TRIM8: variants seen among roughly 807,000 people sequenced by gnomAD.
TRIM8 encodes the protein E3 ubiquitin-protein ligase TRIM8.
In TRIM8, 9 loss-of-function variants were observed where a neutral mutation model predicts 55.7. The observed-to-expected ratio is 0.16, with a 90% CI of 0.10 to 0.28. The LOEUF (loss-of-function observed/expected upper bound fraction) is 0.28, where lower values mean the gene tolerates loss of function less well. TRIM8 is among the 10% of genes least tolerant of loss of function. TRIM8 has a pLI of 1.00. For missense variants in TRIM8, 556 were observed against 736.4 expected, an observed-to-expected ratio of 0.76 and a Z score of 2.83; for synonymous variants, 335 against 333.3, an observed-to-expected ratio of 1.01 and a Z score of -0.06.
chr10:102,657,591 G>A lies in TRIM8; in HGVS notation c.*237G>A, dbSNP rs748000726. The A allele has an allele frequency of 8.2e-6, 4 of 488,438 alleles. No homozygotes were observed. The highest frequency in any genetic ancestry group is 1.4e-5 in the Non-Finnish European group (4 of 283,848). The allele number at this position is 488,438 out of a possible 1,614,324, so 30.3% of individuals were successfully genotyped here. On this transcript the variant is annotated 3_prime_UTR_variant, in exon 6 of 6. Transcript: ENST00000643721. Reference sequence around the variant, plus strand: ...GGAGCTGGCCTGGGCCAGGACGGCAGGTGGCCCTGGAGATGGGAAAGTGTC... The same window carrying A: ...GGAGCTGGCCTGGGCCAGGACGGCAAGTGGCCCTGGAGATGGGAAAGTGTC...
intron 1 of TRIM8, among the ~76,000 whole-genome samples, chr10:102,646,073 A>T (rs1243070519): frequency 3.9e-5 from 6 of 151,916 alleles, no homozygotes; most frequent in Non-Finnish European, 8.8e-5. Context: ...GTCCCCTCCC[A>T]TTGTATACAC....
rs771197276 is a variant in TRIM8, at chr10:102,645,151, G to C, written c.534G>C (p.Ser178=). 2.6e-6 allele frequency: 4 copies of C among 1,566,488 alleles called. No homozygotes were observed. The highest frequency in any genetic ancestry group is 3.4e-6 in the Non-Finnish European group (4 of 1,164,210). Residue 178 remains serine, a synonymous_variant, in exon 1 of 6, where the codon TCG becomes TCC. Coordinates refer to ENST00000643721, the MANE Select transcript of TRIM8 (RefSeq NM_030912.3). The part of the protein sequence containing the change: ...CYYSGAHQGH[S]VCDVEIRRNE... ...ACAGCGGCGCGCATCAGGGACACTC[G>C]GTGTGCGACGTGGAGATCCGAAGGA...
chr10:102,646,443 T>C (rs1344154833), intron 1 of TRIM8, among the ~76,000 whole-genome samples: 1 of 152,156 alleles, frequency 6.6e-6, no homozygotes, highest in Non-Finnish European at 1.5e-5. Flanking sequence ...GAGATGGGGC[T>C]GTTTCCTGTG....
chr10:102,656,969 A>C lies in TRIM8; in HGVS notation c.1271A>C (p.His424Pro). The C allele has an allele frequency of 6.2e-7, 1 of 1,612,572 alleles. No homozygotes were observed. Among genetic ancestry groups the C allele is most frequent in the South Asian group, 1.1e-5 (1 of 90,996 alleles). Reference protein sequence around the residue: ...QPLGPCSSTQHLVALPGGAQP... With the variant: ...QPLGPCSSTQPLVALPGGAQP... ...CTGGGGCCCTGCAGCTCCACGCAGC[A>C]CTTGGTGGCCCTGCCGGGCGGCGCC... Residue 424 changes from histidine (H) to proline (P), a missense_variant, in exon 6 of 6, where the codon CAC becomes CCC. By Grantham distance (77) the His-to-Pro change is moderately conservative. Transcript: ENST00000643721. The surrounding 1 kb of genome is among the most constrained non-coding windows in gnomAD (Gnocchi z 4.6).
intron 3 of TRIM8, among the ~76,000 whole-genome samples, 180 bp from the exon 4 acceptor site, chr10:102,655,926 A>G (rs1449549981): frequency 6.6e-6 from 1 of 152,230 alleles, no homozygotes; most frequent in East Asian, 1.9e-4. Flanking sequence ...GCAAGAGCTC[A>G]GTAAATGTTA....
chr10:102,645,214 C>G, intron 1 of TRIM8, 27 bp downstream of exon 1: 1 of 1,497,602 alleles, frequency 6.7e-7, no homozygotes, highest in Non-Finnish European at 8.9e-7. Context: ...CGCGCGCGCA[C>G]ACACACACAC....
chr10:102,655,329 G>A lies in TRIM8; in HGVS notation c.900+16G>A. 2 of 1,586,192 alleles carry A rather than the reference G, an allele frequency of 1.3e-6. No individual in the cohort carries two copies. Among genetic ancestry groups the A allele is most frequent in the East Asian group, 2.2e-5 (1 of 44,644 alleles). ...CTTCATGAAGGTGGGCTGGGCTCAG[G>A]ACCAGGCTGGTGGCACCCAGAGGGC... On this transcript the variant is annotated intron_variant, in intron 3 of 5. Transcript: ENST00000643721.
chr10:102,647,231 T>C (rs905321842), intron 1 of TRIM8, among the ~76,000 whole-genome samples: 3 of 150,958 alleles, frequency 2.0e-5, no homozygotes, highest in Non-Finnish European at 4.4e-5. Flanking sequence ...GGTGTGTGTG[T>C]GCGTGTGTGC....
chr10:102,650,999 CT>C (rs1175521140), intron 1 of TRIM8, among the ~76,000 whole-genome samples: 1 of 152,172 alleles, frequency 6.6e-6, no homozygotes, highest in African/African-American at 2.4e-5. Flanking sequence ...TCCCACTGTT[CT>C]CCCAGGCGCT....
chr10:102,649,443 A>G (rs2063963051), intron 1 of TRIM8, among the ~76,000 whole-genome samples: 1 of 152,300 alleles, frequency 6.6e-6, no homozygotes, highest in South Asian at 2.1e-4. Flanking sequence ...TGTTGGGTGC[A>G]GTCTGGCGAG....
rs1564722650 is a variant in TRIM8 at position 102,657,003 on chromosome 10, G to A, written c.1305G>A (p.Val435=). ...LVALPGGAQP[V]HSSPVFPPSQ... ...CCCTGCCGGGCGGCGCCCAACCAGT[G>A]CACTCAAGCCCCGTGTTCCCCCCAT... Residue 435 remains valine, a synonymous_variant, in exon 6 of 6, where the codon GTG becomes GTA. Transcript: ENST00000643721. 1.2e-6 allele frequency: 2 copies of A among 1,612,584 alleles called. No individual in the cohort carries two copies. The highest frequency in any genetic ancestry group is 1.7e-6 in the Non-Finnish European group (2 of 1,179,846).
At chr10:102,651,012 T>TCTGTAGCA (rs1252465408) in intron 1 of TRIM8, among the ~76,000 whole-genome samples, 1 of 152,128 alleles carries the variant, frequency 6.6e-6, no homozygotes, top group African/African-American at 2.4e-5. Context: ...CCAGGCGCTG[T>TCTGTAGCA]CTGTAGCAGG....
Position 102,645,124 on chromosome 10 carries a change from C to T in TRIM8, c.507C>T (p.Tyr169=). The T allele has an allele frequency of 6.3e-7, 1 of 1,587,004 alleles. No individual in the cohort carries two copies. The highest frequency in any genetic ancestry group is 8.5e-7 in the Non-Finnish European group (1 of 1,174,560). The change falls in exon 1 of 6, where the codon TAC becomes TAT. Residue 169 remains tyrosine, a synonymous_variant. Coordinates refer to ENST00000643721, the MANE Select transcript of TRIM8 (RefSeq NM_030912.3). ...EQVAVCQYCC[Y]YSGAHQGHSV... ...TGGCCGTGTGCCAGTACTGCTGCTACTACAGCGGCGCGCATCAGGGACACT... is the reference window on the plus strand; with the variant it reads ...TGGCCGTGTGCCAGTACTGCTGCTATTACAGCGGCGCGCATCAGGGACACT...
chr10:102,645,226 CAG>C, intron 1 of TRIM8, 39 bp downstream of exon 1: 1 of 1,466,402 alleles, frequency 6.8e-7, no homozygotes, highest in Non-Finnish European at 9.0e-7. Context: ...CACACACACA[CAG>C]ACACACAGTC....
intron 1 of TRIM8, among the ~76,000 whole-genome samples, chr10:102,650,212 G>A (rs534105217): frequency 3.0e-4 from 46 of 152,232 alleles, no homozygotes; most frequent in African/African-American, 7.9e-4. Flanking sequence ...AGCCTCACCC[G>A]TCTGCCCAGT....
intron 1 of TRIM8, among the ~76,000 whole-genome samples, chr10:102,646,127 T>C (rs967227335): frequency 6.6e-6 from 1 of 152,160 alleles, no homozygotes; most frequent in African/African-American, 2.4e-5. Context: ...CCCTCAGGCC[T>C]CTGGGCCTGG....
intron 1 of TRIM8, among the ~76,000 whole-genome samples, chr10:102,652,614 C>T (rs2063994051): frequency 6.6e-6 from 1 of 152,126 alleles, no homozygotes; most frequent in African/African-American, 2.4e-5. Flanking sequence ...AATCCCCATT[C>T]TTAAGAGGCC....
intron 1 of TRIM8, among the ~76,000 whole-genome samples, chr10:102,650,096 C>T (rs2063972124): frequency 6.6e-6 from 1 of 152,024 alleles, no homozygotes; most frequent in South Asian, 2.1e-4. Flanking sequence ...CTGCCTCTGT[C>T]CCAGTCCCTG....
At chr10:102,650,628 G>A (rs887748434) in intron 1 of TRIM8, among the ~76,000 whole-genome samples, 3 of 152,208 alleles carry the variant, frequency 2.0e-5, no homozygotes, top group African/African-American at 7.2e-5. Context: ...ACTGCTGTGG[G>A]GGGATGGGGC....
Sources: gnomAD v4.1 joint callset for allele counts (sites outside exome capture counted in the v4.1 genomes callset) on GRCh38, gnomAD v4.1.1 for gene constraint, Gnocchi (gnomAD v3.1) non-coding constraint, MANE v1.5 for transcripts, NCBI Gene and HGNC (gene_info 2026-07-23, HGNC 2026-07-21) for gene names.